Variants in PRMT3 observed in about 807,000 individuals in gnomAD.
The protein encoded by PRMT3 is protein arginine methyltransferase 3, also known as protein arginine N-methyltransferase 3.
PRMT3 carries 62 observed loss-of-function variants against 71.9 expected under a neutral mutation model. The ratio of observed to expected loss-of-function variants is 0.86; its 90% confidence interval spans 0.70 to 1.07. PRMT3 has a LOEUF of 1.07. Ranked by LOEUF, PRMT3 falls within the 50% of genes least tolerant of loss-of-function variation. The pLI is 0.00. For synonymous variants in PRMT3, 213 were observed against 220.4 expected (o/e 0.97, Z 0.30); for missense variants, 663 against 643.0 (o/e 1.03, Z -0.34).
intron 13 of PRMT3, among the ~76,000 whole-genome samples, chr11:20,491,925 A>G (rs1186918715): frequency 6.6e-6 from 1 of 152,216 alleles, no homozygotes; most frequent in Non-Finnish European, 1.5e-5. Context: ...TATTAGTTCC[A>G]TTCAAGTTCA....
chr11:20,460,177 C>G (rs148539430), intron 11 of PRMT3, among the ~76,000 whole-genome samples: 1 of 152,048 alleles, frequency 6.6e-6, no homozygotes, highest in African/African-American at 2.4e-5. Flanking sequence ...TGGAAATAAA[C>G]GTTAGGAGGA....
At chr11:20,395,494 T>C (rs6483668) in intron 5 of PRMT3, among the ~76,000 whole-genome samples, 136,291 of 151,686 alleles carry the variant, frequency 0.9, 62,268 homozygotes, top group Non-Finnish European at 0.99. Context: ...AAGGCTCGCA[T>C]CACCAGACCT....
At position 20,428,703 on chromosome 11, in the gene PRMT3, C is replaced by G. The variant is rs146953223; in HGVS notation, c.993+1838C>G. On this transcript the variant is annotated intron_variant, in intron 10 of 15. Transcript: ENST00000331079. ...TACCAAGGAGGGCTAACCCTGCAGGCTGCCTTTACCAAGCTCCTATGATGG... is the reference window on the plus strand; with the variant it reads ...TACCAAGGAGGGCTAACCCTGCAGGGTGCCTTTACCAAGCTCCTATGATGG... Among the ~76,000 whole-genome samples the G allele has an allele frequency of 2.0e-3, 301 of 152,334 alleles. 2 individuals are homozygous for G. The highest frequency in any genetic ancestry group is 7.1e-3 in the African/African-American group (296 of 41,570).
chr11:20,436,598 C>T (rs1223868781), intron 10 of PRMT3, among the ~76,000 whole-genome samples: 1 of 152,050 alleles, frequency 6.6e-6, no homozygotes. Flanking sequence ...GACTTGTGTA[C>T]ATTTTGTCAT....
chr11:20,460,985 T>C (rs554966576), intron 11 of PRMT3, among the ~76,000 whole-genome samples: 181 of 152,340 alleles, frequency 1.2e-3, no homozygotes, highest in African/African-American at 4.1e-3. Flanking sequence ...CACATTGCAT[T>C]CCAGGTGGTT....
intron 10 of PRMT3, among the ~76,000 whole-genome samples, chr11:20,451,060 A>G (rs1233223891): frequency 6.6e-6 from 1 of 152,160 alleles, no homozygotes; most frequent in Admixed American, 6.6e-5. Context: ...ACTGAAACTG[A>G]TAGTGATTTC....
At chr11:20,477,637 T>C (rs1264774441) in intron 13 of PRMT3, among the ~76,000 whole-genome samples, 1 of 152,152 alleles carries the variant, frequency 6.6e-6, no homozygotes, top group African/African-American at 2.4e-5. Flanking sequence ...TGAGGATTCA[T>C]TGATATATCT....
chr11:20,422,422 G>A (rs1285586988), intron 9 of PRMT3, among the ~76,000 whole-genome samples: 1 of 152,104 alleles, frequency 6.6e-6, no homozygotes, highest in Non-Finnish European at 1.5e-5. Context: ...TTTCCAGGTA[G>A]ACGTAAAAGC....
In PRMT3 at chr11:20,475,652, C is replaced by CTTTT. The variant is rs59969495; in HGVS notation, c.1347+11122_1347+11125dup. Among the ~76,000 whole-genome samples the CTTTT allele has an allele frequency of 1.0e-3, 101 of 100,534 alleles. 3 individuals are homozygous for CTTTT. The highest frequency in any genetic ancestry group is 3.8e-3 in the African/African-American group (99 of 26,180). 66.0% of individuals were successfully genotyped at this position (100,534 alleles called of 152,430 possible). On this transcript the variant is annotated intron_variant, in intron 13 of 15. Transcript: ENST00000331079. ...TAGTGTCATGAGAGATACTTAATGT[C>CTTTT]TTTTTTTTTTTTTTTTTTTGAGACA...
intron 9 of PRMT3, among the ~76,000 whole-genome samples, chr11:20,425,591 TAC>T (rs1315062369): frequency 1.3e-5 from 2 of 152,162 alleles, no homozygotes; most frequent in Non-Finnish European, 2.9e-5. Context: ...ACTACTGATA[TAC>T]ACAAAAGCAT....
rs542666488 is a variant in PRMT3, at chr11:20,508,744, A to G, written c.*331A>G. The G allele has an allele frequency of 5.9e-6, 2 of 338,842 alleles. No homozygotes were observed. Among genetic ancestry groups the G allele is most frequent in the South Asian group, 5.4e-5 (2 of 37,074 alleles). The allele number at this position is 338,842 out of a possible 1,614,324, so 21.0% of individuals were successfully genotyped here. ...GAAGAGAGATAGTCTTTTGTTTTTAATAAGTTTCTTACTATAAATTTTAAA... is the reference window on the plus strand; with the variant it reads ...GAAGAGAGATAGTCTTTTGTTTTTAGTAAGTTTCTTACTATAAATTTTAAA... On this transcript the variant is annotated 3_prime_UTR_variant, in exon 16 of 16. Transcript: ENST00000331079.
At chr11:20,393,271 C>T (rs1848756353) in intron 5 of PRMT3, among the ~76,000 whole-genome samples, 1 of 152,114 alleles carries the variant, frequency 6.6e-6, no homozygotes, top group African/African-American at 2.4e-5. Context: ...CACAGTGAAA[C>T]CCCATCTCTA....
At chr11:20,406,312 A>G (rs993714313) in intron 8 of PRMT3, 12 of 152,238 alleles carry the variant, frequency 7.9e-5, no homozygotes, top group Non-Finnish European at 1.6e-4. Flanking sequence ...TGTTCAGTAC[A>G]GAAGCAATTT....
chr11:20,465,662 A>C (rs1398145621), intron 13 of PRMT3, among the ~76,000 whole-genome samples: 1 of 151,986 alleles, frequency 6.6e-6, no homozygotes, highest in Non-Finnish European at 1.5e-5. Context: ...AATTTTTTAA[A>C]GTTTAAATAT....
intron 10 of PRMT3, among the ~76,000 whole-genome samples, chr11:20,449,446 A>G (rs991561722): frequency 1.3e-5 from 2 of 152,162 alleles, no homozygotes; most frequent in East Asian, 1.9e-4. Context: ...AGACAAATCA[A>G]TTTAAGAGGC....
At position 20,388,081 on chromosome 11, in the gene PRMT3, G is replaced by A. The variant is rs1259053788; in HGVS notation, c.91G>A (p.Ala31Thr). ...AGAACTGTCGGACAGCGGGGACGAG[G>A]CCGCCTGGGAGGATGAGGACGATGC... ...LPELSDSGDEAAWEDEDDADL... is the reference protein window; with the variant it reads ...LPELSDSGDETAWEDEDDADL... The change falls in exon 2 of 16, where the codon GCC (alanine) becomes ACC (threonine). Residue 31 changes from alanine to threonine, a missense_variant. By Grantham distance (58) the Ala-to-Thr change is moderately conservative. Transcript: ENST00000331079. The A allele has an allele frequency of 5.0e-6, 8 of 1,614,068 alleles. No homozygotes were observed. In the East Asian group the frequency reaches 1.8e-4, roughly 36 times the overall value.
intron 13 of PRMT3, among the ~76,000 whole-genome samples, chr11:20,464,783 A>G (rs988686155): frequency 3.9e-5 from 6 of 152,188 alleles, no homozygotes; most frequent in Non-Finnish European, 8.8e-5. Flanking sequence ...TTTTCTTTAT[A>G]GAGTCTTCAT....
At chr11:20,462,497 C>T (rs78362521) in intron 12 of PRMT3, among the ~76,000 whole-genome samples, 4,550 of 152,194 alleles carry the variant, frequency 0.03, 230 homozygotes, top group African/African-American at 0.1. Context: ...TCCTCCCCAG[C>T]CTTATTTTAG....
At chr11:20,506,632 A>G (rs1192539485) in intron 15 of PRMT3, among the ~76,000 whole-genome samples, 2 of 152,178 alleles carry the variant, frequency 1.3e-5, no homozygotes, top group African/African-American at 4.8e-5. Flanking sequence ...TTCCTTGAAT[A>G]TGGGGAATTT....
Sources: allele counts gnomAD v4.1 joint callset (sites outside exome capture counted in the v4.1 genomes callset), GRCh38; gene constraint gnomAD v4.1.1; transcripts MANE v1.5; gene names NCBI Gene and HGNC (gene_info 2026-07-23, HGNC 2026-07-21).